Variants in STARD13 observed in about 807,000 individuals in gnomAD.
STARD13 encodes stAR-related lipid transfer protein 13.
Under a neutral mutation model 106.4 loss-of-function variants are expected in STARD13, and 62 were observed. The ratio of observed to expected loss-of-function variants is 0.58; its 90% CI spans 0.48 to 0.72. STARD13 has a LOEUF of 0.72. STARD13 is among the 30% of genes least tolerant of loss of function. The pLI is 0.00. For missense variants in STARD13, 1,387 were observed against 1,424.0 expected, an observed-to-expected ratio of 0.97 and a Z score of 0.42; for synonymous variants, 565 against 553.0, an observed-to-expected ratio of 1.02 and a Z score of -0.31.
the STARD13 span, among the ~76,000 whole-genome samples, chr13:33,638,429 C>A: frequency 6.6e-6 from 1 of 152,188 alleles, no homozygotes; most frequent in African/African-American, 2.4e-5. Context: ...AGGAGGGGAG[C>A]CTTCCAGGTC....
At chr13:33,318,206 T>C (rs1340752463) in intron 1 of STARD13, among the ~76,000 whole-genome samples, 3 of 152,200 alleles carry the variant, frequency 2.0e-5, no homozygotes, top group Admixed American at 6.5e-5. Flanking sequence ...TTTTATGATC[T>C]ACTCAGTTTT....
intron 1 of STARD13, among the ~76,000 whole-genome samples, chr13:33,314,859 T>G (rs1893269205): frequency 6.6e-6 from 1 of 152,240 alleles, no homozygotes; most frequent in African/African-American, 2.4e-5. Flanking sequence ...CTGGAAGTGA[T>G]GTATTTTATA....
the STARD13 span, among the ~76,000 whole-genome samples, chr13:33,387,458 A>G: frequency 6.6e-6 from 1 of 152,192 alleles, no homozygotes; most frequent in Non-Finnish European, 1.5e-5. Context: ...AAACAAAACA[A>G]AAAACCGTGG....
the STARD13 span, among the ~76,000 whole-genome samples, chr13:33,507,975 C>T: frequency 3.3e-5 from 5 of 151,990 alleles, no homozygotes; most frequent in Non-Finnish European, 5.9e-5. Flanking sequence ...AAAATCCACA[C>T]GTAAGTGGGC....
chr13:33,303,439 A>C (rs891372757), intron 1 of STARD13, among the ~76,000 whole-genome samples: 4 of 152,090 alleles, frequency 2.6e-5, no homozygotes, highest in Admixed American at 6.5e-5. Flanking sequence ...CACTTTATCT[A>C]TCTTAGCTTC....
At chr13:33,630,136 G>A in the STARD13 span, among the ~76,000 whole-genome samples, 1 of 152,188 alleles carries the variant, frequency 6.6e-6, no homozygotes, top group African/African-American at 2.4e-5. Flanking sequence ...TGAAGTAGGT[G>A]TAGTAGCTTG....
the STARD13 span, among the ~76,000 whole-genome samples, chr13:33,406,763 G>A: frequency 2.0e-5 from 3 of 152,222 alleles, no homozygotes; most frequent in East Asian, 3.9e-4. Flanking sequence ...GCAAAACTGT[G>A]GTTCTAAATA....
In STARD13 at chr13:33,298,380, A is replaced by G. The variant is rs1404221002; in HGVS notation, c.124+51910T>C. The stretch of plus-strand genomic sequence containing the variant: ...TAGAACTCCTGACCTCAAATGATCC[A>G]CCCACCTCGGCCTCCCAAAGTGCTG... On this transcript the variant is annotated intron_variant, in intron 1 of 5. Transcript: ENST00000567873. Among the ~76,000 whole-genome samples the G allele has an allele frequency of 2.0e-5, 3 of 149,240 alleles. No homozygotes were observed. The East Asian group carries it at 5.9e-4, about 29-fold the overall frequency.
At chr13:33,669,258 C>T in the STARD13 span, among the ~76,000 whole-genome samples, 1 of 152,234 alleles carries the variant, frequency 6.6e-6, no homozygotes, top group Non-Finnish European at 1.5e-5. Context: ...CTCATAGAAA[C>T]AAATAAAAAA....
the STARD13 span, among the ~76,000 whole-genome samples, chr13:33,621,270 T>A: frequency 6.6e-6 from 1 of 152,116 alleles, no homozygotes; most frequent in Non-Finnish European, 1.5e-5. Flanking sequence ...GAACTATTGC[T>A]GCATATAGAA....
At chr13:33,131,783 AGGT>A (rs1878329451) in intron 4 of STARD13, among the ~76,000 whole-genome samples, 1 of 152,340 alleles carries the variant, frequency 6.6e-6, no homozygotes, top group East Asian at 1.9e-4. Flanking sequence ...GTTAAGAGCT[AGGT>A]GACTGTCCAC....
the STARD13 span, among the ~76,000 whole-genome samples, chr13:33,627,415 G>T: frequency 6.6e-6 from 1 of 152,052 alleles, no homozygotes; most frequent in East Asian, 1.9e-4. Context: ...GAGGTGGGTG[G>T]ATCACGAGGT....
chr13:33,619,574 T>A, the STARD13 span, among the ~76,000 whole-genome samples: 1 of 152,168 alleles, frequency 6.6e-6, no homozygotes, highest in Non-Finnish European at 1.5e-5. Context: ...AAAAGATAGC[T>A]AGCTGAAAGT....
intron 1 of STARD13, among the ~76,000 whole-genome samples, chr13:33,229,480 T>C (rs1276598177): frequency 2.6e-5 from 4 of 152,246 alleles, no homozygotes; most frequent in African/African-American, 9.6e-5. Context: ...AACATCCCTT[T>C]ATCTCTTGTC....
chr13:33,356,379 A>G, the STARD13 span, among the ~76,000 whole-genome samples: 1 of 152,210 alleles, frequency 6.6e-6, no homozygotes, highest in Non-Finnish European at 1.5e-5. Context: ...GCATTCTTCC[A>G]TTGCTACTGA....
the STARD13 span, among the ~76,000 whole-genome samples, chr13:33,486,927 T>C: frequency 5.3e-5 from 8 of 152,206 alleles, no homozygotes; most frequent in African/African-American, 1.7e-4. Context: ...TCATTGAAAA[T>C]ATGACATTTT....
At position 33,129,057 on chromosome 13, in the gene STARD13, A is replaced by G. The variant is rs1364894580; in HGVS notation, c.1620T>C (p.Ser540=). The change falls in exon 5 of 14, where the codon TCT becomes TCC. Residue 540 remains serine, a synonymous_variant. Transcript: ENST00000336934. ...NQITLDFEGN[S]VSEGRTTPSD... ...TGGGTGTCGTCCGACCTTCTGAGACAGAGTTACCTTCAAAATCTAAGGTGA... is the reference window on the plus strand; with the variant it reads ...TGGGTGTCGTCCGACCTTCTGAGACGGAGTTACCTTCAAAATCTAAGGTGA... The G allele has an allele frequency of 6.2e-7, 1 of 1,614,162 alleles. No individual in the cohort carries two copies. Among genetic ancestry groups the G allele is most frequent in the East Asian group, 2.2e-5 (1 of 44,888 alleles).
chr13:33,208,832 A>G (rs1272602188), intron 1 of STARD13, among the ~76,000 whole-genome samples: 2 of 152,206 alleles, frequency 1.3e-5, no homozygotes, highest in African/African-American at 2.4e-5. Context: ...AGGTATTTGC[A>G]GACAGGTGTA....
chr13:33,664,625 T>G, the STARD13 span, among the ~76,000 whole-genome samples: 1 of 152,202 alleles, frequency 6.6e-6, no homozygotes, highest in Non-Finnish European at 1.5e-5. Context: ...TTAAAAAAAC[T>G]ATTGACTCTT....
Sources: gnomAD v4.1 joint callset for allele counts (sites outside exome capture counted in the v4.1 genomes callset) on GRCh38, gnomAD v4.1.1 for gene constraint, MANE v1.5 for transcripts, NCBI Gene and HGNC (gene_info 2026-07-23, HGNC 2026-07-21) for gene names.